GRIK2: variants seen among roughly 807,000 people sequenced by gnomAD.
The protein encoded by GRIK2 is glutamate ionotropic receptor kainate type subunit 2, also known as glutamate receptor ionotropic, kainate 2.
In GRIK2, 32 loss-of-function variants were observed where a neutral mutation model predicts 100.3. That is an observed-to-expected ratio of 0.32 (90% confidence interval 0.24 to 0.43). The LOEUF (loss-of-function observed/expected upper bound fraction) is 0.43, where lower values mean the gene tolerates loss of function less well. Ranked by LOEUF, GRIK2 falls within the 20% of genes least tolerant of loss-of-function variation. GRIK2 has a pLI of 1.00. For synonymous variants in GRIK2, 417 were observed against 389.4 expected, an observed-to-expected ratio of 1.07 and a Z score of -0.83; for missense variants, 843 against 1,114.9, an observed-to-expected ratio of 0.76 and a Z score of 3.47.
chr6:101,941,272 A>C (rs1265577980), intron 14 of GRIK2, among the ~76,000 whole-genome samples: 1 of 152,116 alleles, frequency 6.6e-6, no homozygotes, highest in Non-Finnish European at 1.5e-5. Flanking sequence ...ACTATTAAGA[A>C]GAATTAAATG....
chr6:101,413,175 G>T (rs780880094), intron 2 of GRIK2, among the ~76,000 whole-genome samples: 1 of 151,824 alleles, frequency 6.6e-6, no homozygotes, highest in East Asian at 1.9e-4. Context: ...GACTAAACTT[G>T]GCTACAAAAA....
chr6:101,874,136 A>G (rs932021635), intron 11 of GRIK2, among the ~76,000 whole-genome samples: 2 of 152,022 alleles, frequency 1.3e-5, no homozygotes, highest in African/African-American at 2.4e-5. Context: ...TTCTGTTGCC[A>G]TTGCTTTTGG....
intron 2 of GRIK2, among the ~76,000 whole-genome samples, chr6:101,527,462 G>C (rs1775211508): frequency 6.6e-6 from 1 of 152,168 alleles, no homozygotes; most frequent in Non-Finnish European, 1.5e-5. Context: ...TATCAAGGCA[G>C]ATATATTATG....
intron 4 of GRIK2, among the ~76,000 whole-genome samples, chr6:101,627,003 C>G (rs1257179378): frequency 1.3e-5 from 2 of 151,696 alleles, no homozygotes; most frequent in Admixed American, 1.3e-4. Context: ...TTTAGAATTC[C>G]AGTCATTTAA....
chr6:101,655,543 G>T (rs1264398046), intron 4 of GRIK2, among the ~76,000 whole-genome samples: 1 of 151,538 alleles, frequency 6.6e-6, no homozygotes, highest in South Asian at 2.1e-4. Flanking sequence ...CCTGTACGAA[G>T]AAAAAAAACC....
At position 101,625,384 on chromosome 6, in the gene GRIK2, T is replaced by A. The variant is rs560010588; in HGVS notation, c.284-996T>A. On this transcript the variant is annotated intron_variant, in intron 3 of 16. Transcript: ENST00000369134. ...TGAGACTCTATATCAACAAAATAAA[T>A]AATAAATAAATAAATAAATAAATAA... 4.8e-3 allele frequency among the ~76,000 whole-genome samples: 703 copies of A among 147,602 alleles called. 9 individuals carry two copies. Among genetic ancestry groups the A allele is most frequent in the African/African-American group, 0.016 (662 of 40,378 alleles).
chr6:101,636,754 G>T (rs1781039863), intron 4 of GRIK2, among the ~76,000 whole-genome samples: 1 of 151,330 alleles, frequency 6.6e-6, no homozygotes, highest in East Asian at 1.9e-4. Flanking sequence ...TTTGCATTTT[G>T]GGGGGGCGGG....
intron 2 of GRIK2, among the ~76,000 whole-genome samples, chr6:101,511,875 A>G (rs991069928): frequency 3.9e-5 from 6 of 152,026 alleles, no homozygotes; most frequent in African/African-American, 1.4e-4. Flanking sequence ...CTGAATTTGA[A>G]TTGAGTTTAT....
chr6:101,546,815 G>GT (rs1228943767), intron 2 of GRIK2, among the ~76,000 whole-genome samples: 5 of 80,566 alleles, frequency 6.2e-5, no homozygotes, highest in Admixed American at 2.5e-4. Context: ...TCATGTTTTT[G>GT]TTTCTTTTTT....
At chr6:102,061,046 T>C (rs1323082868) in intron 16 of GRIK2, among the ~76,000 whole-genome samples, 2 of 150,442 alleles carry the variant, frequency 1.3e-5, no homozygotes, top group African/African-American at 4.8e-5. Context: ...ATATAATGAC[T>C]AATTGGATGA....
intron 12 of GRIK2, among the ~76,000 whole-genome samples, chr6:101,905,937 G>A (rs1477589420): frequency 6.6e-6 from 1 of 151,324 alleles, no homozygotes; most frequent in Non-Finnish European, 1.5e-5. Flanking sequence ...TAAATATTCT[G>A]GATAATAAAA....
chr6:101,747,682 CATT>C (rs1434213168), intron 7 of GRIK2, among the ~76,000 whole-genome samples: 1 of 150,160 alleles, frequency 6.7e-6, no homozygotes, highest in Non-Finnish European at 1.5e-5. Context: ...TTTATAACAA[CATT>C]ATAGACAATA....
In GRIK2 at chr6:101,760,082, G is replaced by A. The variant is rs1166587483; in HGVS notation, c.952-39566G>A. 2.8e-5 allele frequency among the ~76,000 whole-genome samples: 4 copies of A among 141,508 alleles called. No homozygotes were observed. The Admixed American group carries it at 2.8e-4, about 10-fold the overall frequency. 92.8% of individuals were successfully genotyped at this position (141,508 alleles called of 152,430 possible). A position where few individuals can be genotyped will look rare whatever the true frequency, so the allele number is the denominator to read the frequency against. Reference sequence around the variant, plus strand: ...GACGGGGTTTCACCTTGTTAGCCAGGATGGTCTCGATCTCCTGACCTCATG... The same window carrying A: ...GACGGGGTTTCACCTTGTTAGCCAGAATGGTCTCGATCTCCTGACCTCATG... On this transcript the variant is annotated intron_variant, in intron 7 of 16. Transcript: ENST00000369134.
rs116569997 is a variant in GRIK2 at position 101,603,730 on chromosome 6, G to A, written c.116-18219G>A. Among the ~76,000 whole-genome samples, 281 of 151,622 alleles carry A rather than the reference G, an allele frequency of 1.9e-3. 1 individual carries two copies. Among genetic ancestry groups the A allele is most frequent in the African/African-American group, 6.4e-3 (266 of 41,438 alleles). ...TATTCTCTGTTTGAGTGATGAAAGG[G>A]TCAGAAGCACAATTTATAGGTTAAA... On this transcript the variant is annotated intron_variant, in intron 2 of 16. Coordinates refer to ENST00000369134, the MANE Select transcript of GRIK2 (RefSeq NM_021956.5).
intron 11 of GRIK2, among the ~76,000 whole-genome samples, chr6:101,882,882 C>T (rs928979430): frequency 6.6e-6 from 1 of 151,856 alleles, no homozygotes; most frequent in African/African-American, 2.4e-5. Context: ...TAACCATATG[C>T]GGTAACTTGT....
chr6:101,670,162 C>G (rs1419349830), intron 4 of GRIK2, among the ~76,000 whole-genome samples: 1 of 151,874 alleles, frequency 6.6e-6, no homozygotes, highest in African/African-American at 2.4e-5. Flanking sequence ...CAGAGTCAAA[C>G]TGTATCTCAT....
At chr6:101,808,150 A>G (rs1419191733) in intron 9 of GRIK2, among the ~76,000 whole-genome samples, 3 of 152,070 alleles carry the variant, frequency 2.0e-5, no homozygotes, top group Non-Finnish European at 4.4e-5. Flanking sequence ...AACTGATGGC[A>G]TAAGATGTTA....
intron 7 of GRIK2, among the ~76,000 whole-genome samples, chr6:101,739,771 C>T (rs992138982): frequency 1.3e-5 from 2 of 152,032 alleles, no homozygotes; most frequent in Admixed American, 6.6e-5. Context: ...AATTGCAGGC[C>T]CCTGTGCTAT....
intron 2 of GRIK2, among the ~76,000 whole-genome samples, chr6:101,506,378 T>G (rs190387206): frequency 6.6e-6 from 1 of 152,286 alleles, no homozygotes; most frequent in Admixed American, 6.5e-5. Flanking sequence ...TTTAATATAA[T>G]ATTGAACCCT....
Sources: allele counts gnomAD v4.1 joint callset (sites outside exome capture counted in the v4.1 genomes callset), GRCh38; gene constraint gnomAD v4.1.1; transcripts MANE v1.5; gene names NCBI Gene and HGNC (gene_info 2026-07-23, HGNC 2026-07-21).